The following ATP10D variants were observed in gnomAD, a reference collection of about 807,000 sequenced individuals.
The protein encoded by ATP10D is ATPase phospholipid transporting 10D (putative), also known as phospholipid-transporting ATPase VD.
Under a neutral mutation model 144.8 loss-of-function variants are expected in ATP10D, and 89 were observed. The observed-to-expected ratio is 0.61, with a 90% CI of 0.52 to 0.73. The LOEUF (loss-of-function observed/expected upper bound fraction) is 0.73. Ranked by LOEUF, ATP10D falls within the 30% of genes least tolerant of loss-of-function variation. ATP10D has a pLI of 0.00. For missense variants in ATP10D, 1,603 were observed against 1,714.8 expected (o/e 0.93, Z 1.15); for synonymous variants, 571 against 615.1 (o/e 0.93, Z 1.06).
chr4:47,519,692 A>T (rs902472364), intron 3 of ATP10D, among the ~76,000 whole-genome samples: 2 of 152,042 alleles, frequency 1.3e-5, no homozygotes, highest in African/African-American at 4.8e-5. Context: ...TGCCTGATTC[A>T]TTCTTGAACA....
At chr4:47,489,573 C>T (rs917912430) in intron 1 of ATP10D, among the ~76,000 whole-genome samples, 4 of 152,096 alleles carry the variant, frequency 2.6e-5, no homozygotes, top group African/African-American at 9.7e-5. Flanking sequence ...AAGTCACTAT[C>T]CTAATGAAGC....
intron 1 of ATP10D, among the ~76,000 whole-genome samples, chr4:47,501,794 T>C (rs545025444): frequency 3.6e-4 from 55 of 152,360 alleles, no homozygotes; most frequent in Non-Finnish European, 6.0e-4. Flanking sequence ...GCATATAACC[T>C]GTTATATGTC....
intron 22 of ATP10D, among the ~76,000 whole-genome samples, chr4:47,588,230 G>T (rs1196007555): frequency 6.6e-6 from 1 of 152,100 alleles, no homozygotes; most frequent in East Asian, 1.9e-4. Flanking sequence ...GAATACATGG[G>T]TTTTTAATAT....
rs1458995636 is a variant in ATP10D at position 47,536,487 on chromosome 4, C to T, written c.1066C>T (p.Pro356Ser). ...RYEKMHFFNVPEPDGHIISPL... is the reference protein window; with the variant it reads ...RYEKMHFFNVSEPDGHIISPL... ...TGAAAAGATGCATTTTTTCAATGTT[C>T]CCGAGCCTGATGGACATATCATATC... is the stretch of plus-strand genomic sequence containing the variant. The change falls in exon 8 of 23, where the codon CCC becomes TCC. Residue 356 changes from proline to serine, a missense_variant. Coordinates refer to ENST00000273859, the MANE Select transcript of ATP10D (RefSeq NM_020453.4). 1 of 1,613,296 alleles carries T rather than the reference C, an allele frequency of 6.2e-7. No individual in the cohort carries two copies. The highest frequency in any genetic ancestry group is 8.5e-7 in the Non-Finnish European group (1 of 1,179,576).
At chr4:47,566,315 T>A (rs1318742610) in intron 15 of ATP10D, among the ~76,000 whole-genome samples, 1 of 152,256 alleles carries the variant, frequency 6.6e-6, no homozygotes, top group Non-Finnish European at 1.5e-5. Flanking sequence ...CATATCCTGT[T>A]TGTAACTAGT....
At chr4:47,561,823 G>C (rs1684250072) in intron 14 of ATP10D, among the ~76,000 whole-genome samples, 1 of 152,144 alleles carries the variant, frequency 6.6e-6, no homozygotes, top group South Asian at 2.1e-4. Flanking sequence ...GATGCTAAAG[G>C]CGGTCAAGTT....
At chr4:47,529,982 G>C (rs966071910) in intron 5 of ATP10D, among the ~76,000 whole-genome samples, 1 of 152,124 alleles carries the variant, frequency 6.6e-6, no homozygotes. Flanking sequence ...TACTGATTTT[G>C]TGCATTGATT....
chr4:47,528,194 C>T (rs1036912582), intron 5 of ATP10D, among the ~76,000 whole-genome samples: 3 of 151,932 alleles, frequency 2.0e-5, no homozygotes, highest in African/African-American at 4.8e-5. Flanking sequence ...ACCCATCTCC[C>T]GAATGGTGAA....
rs775303480 is a variant in ATP10D at position 47,587,177 on chromosome 4, C to T, written c.3912C>T (p.Ile1304=). ...ATCCAGTATTCTACTTAGTTTGTAT[C>T]CTCACGACGTCCATTGCTCTTCTGC... ...MLDPVFYLVC[I]LTTSIALLPR... Residue 1304 remains isoleucine (I), a synonymous_variant, in exon 22 of 23, where the codon ATC becomes ATT. Coordinates refer to ENST00000273859, the MANE Select transcript of ATP10D (RefSeq NM_020453.4). 7.4e-6 allele frequency: 12 copies of T among 1,613,768 alleles called. No homozygotes were observed. Among genetic ancestry groups the T allele is most frequent in the Non-Finnish European group, 9.3e-6 (11 of 1,179,830 alleles).
chr4:47,536,101 A>T, intron 7 of ATP10D, 68 bp downstream of exon 7: 2 of 1,516,270 alleles, frequency 1.3e-6, no homozygotes, highest in Non-Finnish European at 1.8e-6. Flanking sequence ...TTTCAAAATT[A>T]TATCTGTGAA....
intron 4 of ATP10D, among the ~76,000 whole-genome samples, chr4:47,524,457 T>C (rs1444730389): frequency 6.6e-6 from 1 of 152,180 alleles, no homozygotes; most frequent in Non-Finnish European, 1.5e-5. Flanking sequence ...AAGACATTGG[T>C]AAAAATCCTG....
intron 14 of ATP10D, among the ~76,000 whole-genome samples, chr4:47,562,507 C>G (rs1719367286): frequency 6.6e-6 from 1 of 152,146 alleles, no homozygotes; most frequent in South Asian, 2.1e-4. Flanking sequence ...CCATCTTACA[C>G]CAGTCAGAAT....
intron 2 of ATP10D, among the ~76,000 whole-genome samples, 186 bp from the exon 3 acceptor site, chr4:47,515,290 A>C (rs1408509659): frequency 6.6e-6 from 1 of 152,124 alleles, no homozygotes; most frequent in African/African-American, 2.4e-5. Flanking sequence ...AAAGAATGAC[A>C]CAAGCCAGAT....
At chr4:47,544,477 C>T (rs1404726240) in intron 9 of ATP10D, among the ~76,000 whole-genome samples, 3 of 152,184 alleles carry the variant, frequency 2.0e-5, no homozygotes, top group Non-Finnish European at 4.4e-5. Flanking sequence ...AATATGTAAA[C>T]CAGTTTTTGA....
At chr4:47,577,792 A>G (rs1458013224) in intron 19 of ATP10D, among the ~76,000 whole-genome samples, 1 of 151,866 alleles carries the variant, frequency 6.6e-6, no homozygotes, top group Non-Finnish European at 1.5e-5. Context: ...AATATCATCC[A>G]ATCCATTCAG....
chr4:47,576,530 C>T (rs927193356), intron 18 of ATP10D, among the ~76,000 whole-genome samples: 2 of 152,166 alleles, frequency 1.3e-5, no homozygotes, highest in African/African-American at 4.8e-5. Flanking sequence ...ATTCCTAAAG[C>T]ACTTAGAACA....
At chr4:47,576,733 ACTGATT>A in intron 18 of ATP10D, 34 bp from the exon 19 acceptor site, 1 of 1,571,768 alleles carries the variant, frequency 6.4e-7, no homozygotes, top group Non-Finnish European at 8.8e-7. Flanking sequence ...AGCACACATT[ACTGATT>A]CTAAGATCTG....
At chr4:47,527,709 C>T (rs1717325697) in intron 5 of ATP10D, among the ~76,000 whole-genome samples, 1 of 152,080 alleles carries the variant, frequency 6.6e-6, no homozygotes, top group African/African-American at 2.4e-5. Flanking sequence ...CAGAGCTTTA[C>T]CTGCTACAAT....
At chr4:47,543,484 A>T (rs2109431755) in intron 9 of ATP10D, among the ~76,000 whole-genome samples, 1 of 152,280 alleles carries the variant, frequency 6.6e-6, no homozygotes, top group East Asian at 1.9e-4. Context: ...CTTGGCCTCC[A>T]CCCACTGAAT....
Sources: gnomAD v4.1 joint callset for allele counts (sites outside exome capture counted in the v4.1 genomes callset) on GRCh38, gnomAD v4.1.1 for gene constraint, MANE v1.5 for transcripts, NCBI Gene and HGNC (gene_info 2026-07-23, HGNC 2026-07-21) for gene names.